TTC27: variants seen among roughly 807,000 people sequenced by gnomAD.
The protein encoded by TTC27 is tetratricopeptide repeat domain 27.
A neutral mutation model predicts 115.9 loss-of-function variants in TTC27; 79 were observed. The observed-to-expected ratio is 0.68, with a 90% CI of 0.57 to 0.82. TTC27 has a LOEUF of 0.82. TTC27 is among the 40% of genes least tolerant of loss of function. The pLI is 0.00. For synonymous variants in TTC27, 401 were observed against 356.0 expected (o/e 1.13, Z -1.42); for missense variants, 1,054 against 993.1 (o/e 1.06, Z -0.82).
At chr2:32,795,707 C>G (rs937308030) in intron 16 of TTC27, among the ~76,000 whole-genome samples, 3 of 113,100 alleles carry the variant, frequency 2.7e-5, no homozygotes, top group Non-Finnish European at 1.9e-5. Context: ...CACATGTCAC[C>G]ATGCCCGGCT....
intron 14 of TTC27, chr2:32,780,017 A>G (rs773677940): frequency 5.6e-5 from 24 of 428,770 alleles, no homozygotes; most frequent in Non-Finnish European, 1.2e-4. Flanking sequence ...CATCAATCAC[A>G]TTTCATTGAC....
At chr2:32,673,982 T>C (rs1666104084) in intron 8 of TTC27, among the ~76,000 whole-genome samples, 1 of 152,074 alleles carries the variant, frequency 6.6e-6, no homozygotes, top group African/African-American at 2.4e-5. Flanking sequence ...AAACTCTGTC[T>C]CAAAAAAATA....
At chr2:32,801,899 G>A (rs1004661018) in intron 16 of TTC27, among the ~76,000 whole-genome samples, 3 of 152,182 alleles carry the variant, frequency 2.0e-5, no homozygotes, top group African/African-American at 7.2e-5. Context: ...TTTCAAAAGA[G>A]ACAAAAACTT....
intron 15 of TTC27, among the ~76,000 whole-genome samples, chr2:32,784,868 T>G (rs1376922562): frequency 6.6e-6 from 1 of 152,074 alleles, no homozygotes; most frequent in Non-Finnish European, 1.5e-5. Flanking sequence ...GCAGTTGTTA[T>G]TAGATGGAGG....
intron 10 of TTC27, among the ~76,000 whole-genome samples, chr2:32,714,145 G>T (rs937745738): frequency 1.4e-5 from 2 of 145,996 alleles, no homozygotes; most frequent in African/African-American, 5.0e-5. Flanking sequence ...TATATGCAGC[G>T]CACCCCCGCC....
chr2:32,633,946 C>G lies in TTC27; in HGVS notation c.337C>G (p.Pro113Ala). 6.2e-7 allele frequency: 1 copy of G among 1,613,962 alleles called. No homozygotes were observed. Among genetic ancestry groups the G allele is most frequent in the Non-Finnish European group, 8.5e-7 (1 of 1,179,940 alleles). The change falls in exon 3 of 20, where the codon CCT (proline) becomes GCT (alanine). Residue 113 changes from proline (P) to alanine (A), a missense_variant. Pro to Ala is a conservative substitution (Grantham distance 27, BLOSUM62 -1). Coordinates refer to ENST00000317907, the MANE Select transcript of TTC27 (RefSeq NM_017735.5). ...TGTTCAGAGCAACTGGACGGGGCCC[C>G]CTGTTGACTTACACCCTCAGGACTT... ...LFVQSNWTGP[P>A]VDLHPQDFLS...
chr2:32,686,139 TC>T (rs1666620866), intron 9 of TTC27, among the ~76,000 whole-genome samples: 1 of 152,200 alleles, frequency 6.6e-6, no homozygotes, highest in South Asian at 2.1e-4. Flanking sequence ...ATGCAAGACC[TC>T]TATGCTGAAA....
At chr2:32,714,668 C>T (rs938185804) in intron 10 of TTC27, among the ~76,000 whole-genome samples, 8 of 152,184 alleles carry the variant, frequency 5.3e-5, no homozygotes, top group African/African-American at 1.9e-4. Flanking sequence ...AATTGCCAAG[C>T]TGCTTTCCAC....
At chr2:32,807,465 C>G (rs796955054) in intron 16 of TTC27, among the ~76,000 whole-genome samples, 10 of 151,572 alleles carry the variant, frequency 6.6e-5, no homozygotes, top group African/African-American at 2.4e-4. Flanking sequence ...TTGTTGACTT[C>G]TTCTTATCTT....
At chr2:32,741,650 A>T (rs115737633) in intron 12 of TTC27, among the ~76,000 whole-genome samples, 53,347 of 126,468 alleles carry the variant, frequency 0.42, 10,159 homozygotes, top group Non-Finnish European at 0.47. Flanking sequence ...AGAATCCAAT[A>T]AAAAAAACAA....
chr2:32,673,603 G>T (rs1262230724), intron 8 of TTC27, among the ~76,000 whole-genome samples: 3 of 152,190 alleles, frequency 2.0e-5, no homozygotes, highest in Non-Finnish European at 2.9e-5. Flanking sequence ...GGTAGAATAT[G>T]ATTTGGGTTT....
chr2:32,756,122 A>G (rs1008781020), intron 12 of TTC27, among the ~76,000 whole-genome samples: 2 of 152,190 alleles, frequency 1.3e-5, no homozygotes, highest in African/African-American at 4.8e-5. Context: ...ATACCCAATT[A>G]CTATAATGGT....
chr2:32,762,695 G>A (rs191833954), intron 13 of TTC27, among the ~76,000 whole-genome samples: 6 of 151,980 alleles, frequency 3.9e-5, no homozygotes, highest in African/African-American at 1.2e-4. Context: ...GTGCAGTGGC[G>A]CGATCTCAGC....
At chr2:32,807,783 C>G (rs1398146702) in intron 16 of TTC27, among the ~76,000 whole-genome samples, 1 of 152,098 alleles carries the variant, frequency 6.6e-6, no homozygotes, top group South Asian at 2.1e-4. Context: ...TTAATGATTG[C>G]CAAATCCAGG....
chr2:32,815,130 A>T (rs1019250880), intron 18 of TTC27, among the ~76,000 whole-genome samples: 1 of 150,918 alleles, frequency 6.6e-6, no homozygotes, highest in Middle Eastern at 3.2e-3. Flanking sequence ...GGGTGGGCTA[A>T]AGTGTTTCAG....
At position 32,754,036 on chromosome 2, in the gene TTC27, G is replaced by A. The variant is rs1669112351; in HGVS notation, c.1453-4256G>A. Among the ~76,000 whole-genome samples the A allele has an allele frequency of 2.0e-5, 3 of 151,430 alleles. No homozygotes were observed. In the South Asian group the frequency reaches 6.2e-4, roughly 32 times the overall value. The stretch of plus-strand genomic sequence containing the variant: ...GTTGCAGTGAGCAGATCATGCCACT[G>A]CACTCCAGCCTGGGCGACAGAAGCA... On this transcript the variant is annotated intron_variant, in intron 12 of 19. Transcript: ENST00000317907.
In TTC27 at chr2:32,666,669, T is replaced by G. The variant is rs1572493815; in HGVS notation, c.840T>G (p.Asn280Lys). 1.9e-6 allele frequency: 3 copies of G among 1,613,904 alleles called. No individual in the cohort carries two copies. In the East Asian group the frequency reaches 6.7e-5, roughly 36 times the overall value. The change falls in exon 7 of 20, where the codon AAT (asparagine) becomes AAG (lysine). Residue 280 changes from asparagine to lysine, a missense_variant. By Grantham distance (94) the Asn-to-Lys change is moderately conservative. Coordinates refer to ENST00000317907, the MANE Select transcript of TTC27 (RefSeq NM_017735.5). ...ALGKRTRFQE[N>K]YVAQLILDVR... ...GAAAAAGAACACGGTTCCAGGAAAA[T>G]TATGTGGCACAACTGATTCTAGATG... is the stretch of plus-strand genomic sequence containing the variant.
chr2:32,720,348 T>C (rs905114724), intron 10 of TTC27, among the ~76,000 whole-genome samples: 2 of 152,220 alleles, frequency 1.3e-5, no homozygotes, highest in African/African-American at 4.8e-5. Context: ...AAATGATGAA[T>C]TAGAAAAATA....
At position 32,800,717 on chromosome 2, in the gene TTC27, C is replaced by G. The variant is rs543294845; in HGVS notation, c.1999-10307C>G. ...GTTTCACCGTGTTGGCCAGGATGAT[C>G]TCAAACTCCTGACCTCAAGTGATCC... On this transcript the variant is annotated intron_variant, in intron 16 of 19. Coordinates refer to ENST00000317907, the MANE Select transcript of TTC27 (RefSeq NM_017735.5). Among the ~76,000 whole-genome samples, 427 of 151,948 alleles carry G rather than the reference C, an allele frequency of 2.8e-3. 1 individual carries two copies. Among genetic ancestry groups the G allele is most frequent in the Non-Finnish European group, 4.8e-3 (326 of 67,978 alleles).
Sources: allele counts gnomAD v4.1 joint callset (sites outside exome capture counted in the v4.1 genomes callset), GRCh38; gene constraint gnomAD v4.1.1; transcripts MANE v1.5; gene names NCBI Gene and HGNC (gene_info 2026-07-23, HGNC 2026-07-21).